Variants in GREB1L observed in about 807,000 individuals in gnomAD.
GREB1L encodes GREB1 like retinoic acid receptor coactivator, also known as GREB1-like protein.
A neutral mutation model predicts 200.8 loss-of-function variants in GREB1L; 17 were observed. That is an observed-to-expected ratio of 0.08 (90% CI 0.06 to 0.13). The LOEUF (loss-of-function observed/expected upper bound fraction) is 0.13. GREB1L is among the 10% of genes least tolerant of loss of function. GREB1L has a pLI of 1.00. For synonymous variants in GREB1L, 789 were observed against 893.0 expected (o/e 0.88, Z 2.08); for missense variants, 1,657 against 2,367.7 (o/e 0.70, Z 6.23).
chr18:21,465,700 T>C (rs2035237565), intron 15 of GREB1L, among the ~76,000 whole-genome samples: 1 of 152,174 alleles, frequency 6.6e-6, no homozygotes, highest in African/African-American at 2.4e-5. Flanking sequence ...TGGAATTCTG[T>C]AGAGTTATTA....
intron 1 of GREB1L, among the ~76,000 whole-genome samples, chr18:21,275,776 C>G (rs1317243171): frequency 1.3e-5 from 2 of 152,214 alleles, no homozygotes; most frequent in East Asian, 3.8e-4. Flanking sequence ...TAGACCAAAT[C>G]CAGTCCATGT....
chr18:21,349,685 T>C (rs2039405269), intron 1 of GREB1L, among the ~76,000 whole-genome samples: 2 of 151,926 alleles, frequency 1.3e-5, no homozygotes, highest in Non-Finnish European at 2.9e-5. Context: ...GCATGCTCCT[T>C]ATGAGAATCT....
At chr18:21,403,809 C>T in intron 6 of GREB1L, 63 bp from the exon 7 acceptor site, 1 of 1,394,758 alleles carries the variant, frequency 7.2e-7, no homozygotes, top group South Asian at 1.3e-5. Flanking sequence ...GGATTGCGTC[C>T]CCATCACCTG....
At chr18:21,491,335 C>T (rs552230321) in intron 19 of GREB1L, among the ~76,000 whole-genome samples, 7 of 152,244 alleles carry the variant, frequency 4.6e-5, no homozygotes, top group African/African-American at 1.4e-4. Flanking sequence ...CCCTGGGCTG[C>T]GGTTTCCCAT....
intron 8 of GREB1L, among the ~76,000 whole-genome samples, chr18:21,440,044 G>A (rs1037613428): frequency 6.6e-6 from 1 of 152,068 alleles, no homozygotes; most frequent in African/African-American, 2.4e-5. Context: ...ACATAAACTT[G>A]GGAACTGTAA....
At chr18:21,299,677 ATG>A (rs1306193506) in intron 1 of GREB1L, among the ~76,000 whole-genome samples, 1 of 152,120 alleles carries the variant, frequency 6.6e-6, no homozygotes. Flanking sequence ...ATTGTATTTT[ATG>A]GGCAGTGTAT....
intron 7 of GREB1L, among the ~76,000 whole-genome samples, chr18:21,426,984 A>C (rs747675389): frequency 0.31 from 45,196 of 144,470 alleles, 10,545 homozygotes; most frequent in African/African-American, 0.61. Context: ...AAAAAAAAAA[A>C]AAACAAAAAA....
intron 27 of GREB1L, 93 bp downstream of exon 27, chr18:21,508,684 G>T: frequency 3.3e-5 from 24 of 728,704 alleles, no homozygotes; most frequent in Non-Finnish European, 4.3e-5. Flanking sequence ...CCTGCCTCTA[G>T]AAATTGTCCT....
intron 7 of GREB1L, among the ~76,000 whole-genome samples, chr18:21,411,422 G>C (rs1293388537): frequency 1.3e-5 from 2 of 151,792 alleles, no homozygotes; most frequent in African/African-American, 4.8e-5. Flanking sequence ...TAGCCAGGAT[G>C]GTCTCGATCT....
intron 4 of GREB1L, among the ~76,000 whole-genome samples, chr18:21,384,669 T>C (rs775119910): frequency 1.3e-5 from 2 of 152,170 alleles, no homozygotes; most frequent in African/African-American, 2.4e-5. Flanking sequence ...TGTTTAGAAT[T>C]GCAGAGGCAA....
intron 2 of GREB1L, among the ~76,000 whole-genome samples, chr18:21,366,591 AT>A (rs2039687897): frequency 1.3e-5 from 2 of 151,368 alleles, no homozygotes; most frequent in Non-Finnish European, 2.9e-5. Context: ...GAGGCTTTTA[AT>A]TTAGAAAAGG....
intron 2 of GREB1L, among the ~76,000 whole-genome samples, chr18:21,366,885 T>C (rs2039699503): frequency 6.6e-6 from 1 of 152,164 alleles, no homozygotes; most frequent in African/African-American, 2.4e-5. Flanking sequence ...TGTTCCTTCA[T>C]GGTGACCACG....
At chr18:21,368,337 C>T (rs2039749779) in intron 2 of GREB1L, among the ~76,000 whole-genome samples, 1 of 151,990 alleles carries the variant, frequency 6.6e-6, no homozygotes, top group Non-Finnish European at 1.5e-5. Flanking sequence ...GTTTAAGAGG[C>T]CTTAAAATTG....
intron 7 of GREB1L, among the ~76,000 whole-genome samples, chr18:21,438,429 C>T (rs141332412): frequency 0.14 from 21,256 of 151,950 alleles, 1,771 homozygotes; most frequent in Middle Eastern, 0.25. Context: ...CTTTGGGAAG[C>T]CAAGGTGGAA....
At chr18:21,328,728 C>G (rs368417618) in intron 1 of GREB1L, among the ~76,000 whole-genome samples, 31 of 151,938 alleles carry the variant, frequency 2.0e-4, no homozygotes, top group East Asian at 1.2e-3. Flanking sequence ...AGATGAACTC[C>G]CAGACATAGA....
rs1178845089 is a variant in GREB1L, at chr18:21,473,177, C to T, written c.2329C>T (p.Leu777=). ...VKQNPYTLFV[L]VHDNSHVELT... ...ACAGAACCCGTACACACTGTTTGTG[C>T]TAGTTCATGACAACTCCCATGTGGA... Residue 777 remains leucine, a synonymous_variant, in exon 16 of 33, where the codon CTA becomes TTA. Coordinates refer to ENST00000424526, the MANE Select transcript of GREB1L (RefSeq NM_001142966.3). 1.9e-6 allele frequency: 3 copies of T among 1,542,828 alleles called. No homozygotes were observed. Among genetic ancestry groups the T allele is most frequent in the African/African-American group, 1.4e-5 (1 of 72,708 alleles).
intron 4 of GREB1L, among the ~76,000 whole-genome samples, chr18:21,388,796 C>T (rs750747270): frequency 5.3e-5 from 8 of 151,894 alleles, no homozygotes; most frequent in Non-Finnish European, 7.4e-5. Flanking sequence ...TTTTGATGAC[C>T]TTGGCCGTTT....
Position 21,500,520 on chromosome 18 carries a change from A to G in GREB1L, c.3970-20A>G, listed in dbSNP as rs1353636049. 6.7e-7 allele frequency: 1 copy of G among 1,502,186 alleles called. No homozygotes were observed. Among genetic ancestry groups the G allele is most frequent in the Non-Finnish European group, 9.1e-7 (1 of 1,102,756 alleles). The allele number at this position is 1,502,186 out of a possible 1,614,324, so 93.1% of individuals were successfully genotyped here. On this transcript the variant is annotated intron_variant, in intron 22 of 32. Coordinates refer to ENST00000424526, the MANE Select transcript of GREB1L (RefSeq NM_001142966.3). ...TCTTTCCCGCCTCCACTCCTCCCCAATTAAAAATCTTTCCATTAGGTGGGA... is the reference window on the plus strand; with the variant it reads ...TCTTTCCCGCCTCCACTCCTCCCCAGTTAAAAATCTTTCCATTAGGTGGGA...
intron 23 of GREB1L, among the ~76,000 whole-genome samples, chr18:21,503,957 T>A (rs1204921217): frequency 6.6e-6 from 1 of 151,682 alleles, no homozygotes; most frequent in Non-Finnish European, 1.5e-5. Context: ...TTATTTATTT[T>A]TTGAGATAGA....
Sources: allele counts gnomAD v4.1 joint callset (sites outside exome capture counted in the v4.1 genomes callset), GRCh38; gene constraint gnomAD v4.1.1; transcripts MANE v1.5; gene names NCBI Gene and HGNC (gene_info 2026-07-23, HGNC 2026-07-21).